CNTNAP5: variants seen among roughly 807,000 people sequenced by gnomAD.
CNTNAP5 encodes the protein contactin-associated protein-like 5.
In CNTNAP5, 72 loss-of-function variants were observed where a neutral mutation model predicts 150.2. That is an observed-to-expected ratio of 0.48 (90% CI 0.40 to 0.58). The LOEUF (loss-of-function observed/expected upper bound fraction) is 0.58. Among genes scored for constraint, CNTNAP5 ranks in the 20% least tolerant of loss-of-function variants. CNTNAP5 has a pLI of 0.00. For synonymous variants in CNTNAP5, 672 were observed against 619.8 expected (o/e 1.08, Z -1.25); for missense variants, 1,636 against 1,626.2 (o/e 1.01, Z -0.10).
intron 13 of CNTNAP5, among the ~76,000 whole-genome samples, chr2:124,706,788 GAAGAA>G (rs1679654513): frequency 2.8e-5 from 1 of 35,530 alleles, no homozygotes; most frequent in Non-Finnish European, 5.5e-5. Flanking sequence ...AGAAGAAGAA[GAAGAA>G]GAAGGAGGAG....
At chr2:124,634,067 G>A (rs7573251) in intron 12 of CNTNAP5, among the ~76,000 whole-genome samples, 63,282 of 152,002 alleles carry the variant, frequency 0.42, 15,470 homozygotes, top group Non-Finnish European at 0.56. Flanking sequence ...TGTCTTTGAG[G>A]CTTTCCCATT....
chr2:124,809,623 G>T (rs572140994), intron 19 of CNTNAP5, among the ~76,000 whole-genome samples: 1 of 151,838 alleles, frequency 6.6e-6, no homozygotes, highest in South Asian at 2.1e-4. Context: ...AATAACTTTT[G>T]GAAATGTGAT....
At chr2:124,392,749 G>GGAA (rs1219695633) in intron 3 of CNTNAP5, among the ~76,000 whole-genome samples, 3 of 147,998 alleles carry the variant, frequency 2.0e-5, no homozygotes, top group African/African-American at 7.5e-5. Context: ...AGAAAGGAAG[G>GGAA]GAAGGAGAAT....
chr2:124,057,231 C>T (rs867893153), intron 1 of CNTNAP5, among the ~76,000 whole-genome samples: 54 of 151,568 alleles, frequency 3.6e-4, no homozygotes, highest in Middle Eastern at 3.4e-3. Context: ...TACCTTTATA[C>T]CTGACTCTTT....
At chr2:124,068,495 A>G (rs1682219122) in intron 1 of CNTNAP5, among the ~76,000 whole-genome samples, 1 of 152,082 alleles carries the variant, frequency 6.6e-6, no homozygotes, top group Non-Finnish European at 1.5e-5. Context: ...GAAATGCTCT[A>G]TGGTCCTAGG....
intron 3 of CNTNAP5, among the ~76,000 whole-genome samples, chr2:124,385,108 C>T (rs1690896097): frequency 6.6e-6 from 1 of 152,046 alleles, no homozygotes; most frequent in Non-Finnish European, 1.5e-5. Context: ...CAGTTTTTGT[C>T]ATAAAAGACA....
At position 124,034,692 on chromosome 2, in the gene CNTNAP5, G is replaced by A. The variant is rs75319969; in HGVS notation, c.82+8960G>A. On this transcript the variant is annotated intron_variant, in intron 1 of 23. Coordinates refer to ENST00000682447, the MANE Select transcript of CNTNAP5 (RefSeq NM_001367498.1). Reference sequence around the variant, plus strand: ...CTCCAAAAAACTGAAGAGGGCAATGGAGAAGATGTCAGCATTATGGCAGAA... The same window carrying A: ...CTCCAAAAAACTGAAGAGGGCAATGAAGAAGATGTCAGCATTATGGCAGAA... Among the ~76,000 whole-genome samples the A allele has an allele frequency of 1.4e-3, 210 of 152,300 alleles. 2 individuals carry two copies. In the East Asian group the frequency reaches 0.026, roughly 19 times the overall value.
chr2:124,856,121 A>G (rs1274248283), intron 19 of CNTNAP5, among the ~76,000 whole-genome samples: 1 of 151,338 alleles, frequency 6.6e-6, no homozygotes, highest in African/African-American at 2.4e-5. Flanking sequence ...TGTATAAAAA[A>G]ATAAAGAAAT....
intron 19 of CNTNAP5, among the ~76,000 whole-genome samples, chr2:124,833,596 G>T (rs1034359102): frequency 1.3e-5 from 2 of 152,304 alleles, no homozygotes; most frequent in East Asian, 1.9e-4. Flanking sequence ...CTTCAGAGAG[G>T]TTATCAGATG....
chr2:124,886,702 T>C (rs2602650), intron 21 of CNTNAP5, among the ~76,000 whole-genome samples: 53,564 of 151,938 alleles, frequency 0.35, 9,952 homozygotes, highest in Non-Finnish European at 0.39. Flanking sequence ...GTAACATGCA[T>C]TTAATAATCA....
chr2:124,727,244 A>G (rs76581690), intron 13 of CNTNAP5, among the ~76,000 whole-genome samples: 5,543 of 152,072 alleles, frequency 0.036, 359 homozygotes, highest in African/African-American at 0.13. Context: ...GTAGCTTTAT[A>G]TTTGAAATAA....
intron 6 of CNTNAP5, among the ~76,000 whole-genome samples, chr2:124,456,024 T>C (rs1693110166): frequency 6.6e-6 from 1 of 152,098 alleles, no homozygotes; most frequent in African/African-American, 2.4e-5. Context: ...ATGCCCGCTC[T>C]CACCACTCCT....
chr2:124,500,137 G>A (rs755547339), intron 7 of CNTNAP5, among the ~76,000 whole-genome samples: 6 of 152,132 alleles, frequency 3.9e-5, no homozygotes, highest in African/African-American at 1.4e-4. Context: ...CCACATTGGG[G>A]AGGGCACTGT....
chr2:124,485,774 A>C lies in CNTNAP5; in HGVS notation c.1062+10892A>C, dbSNP rs146150373. On this transcript the variant is annotated intron_variant, in intron 7 of 23. Transcript: ENST00000682447. ...GGGTCAACCATGCAGATTCCCTGGG[A>C]CTCCCACTGAAGAACAGTAATGGAG... 9.6e-4 allele frequency among the ~76,000 whole-genome samples: 146 copies of C among 151,844 alleles called. 5 individuals carry two copies. In the East Asian group the frequency reaches 0.027, roughly 28 times the overall value.
intron 14 of CNTNAP5, among the ~76,000 whole-genome samples, chr2:124,759,085 A>G (rs1026596718): frequency 6.6e-6 from 1 of 151,970 alleles, no homozygotes; most frequent in East Asian, 1.9e-4. Flanking sequence ...AGAGAGGGAA[A>G]AGAGAATACA....
At chr2:124,718,290 A>T (rs1345767283) in intron 13 of CNTNAP5, among the ~76,000 whole-genome samples, 1 of 152,196 alleles carries the variant, frequency 6.6e-6, no homozygotes, top group Non-Finnish European at 1.5e-5. Context: ...GTAGAGGGCA[A>T]TGAAGAAAGA....
chr2:124,163,210 C>G (rs1262786493), intron 1 of CNTNAP5, among the ~76,000 whole-genome samples: 2 of 152,076 alleles, frequency 1.3e-5, no homozygotes, highest in Non-Finnish European at 2.9e-5. Flanking sequence ...AGTATCAGAT[C>G]AAAGCAAATA....
chr2:124,468,081 G>C (rs1273486483), intron 6 of CNTNAP5, among the ~76,000 whole-genome samples: 1 of 152,140 alleles, frequency 6.6e-6, no homozygotes, highest in East Asian at 1.9e-4. Flanking sequence ...GGAGGCAAAA[G>C]ACTTGCATCA....
chr2:124,831,703 C>T (rs1682719781), intron 19 of CNTNAP5, among the ~76,000 whole-genome samples: 1 of 151,022 alleles, frequency 6.6e-6, no homozygotes, highest in South Asian at 2.1e-4. Flanking sequence ...CAAAATTTTT[C>T]TCTCAATTGA....
Sources: gnomAD v4.1 joint callset for allele counts (sites outside exome capture counted in the v4.1 genomes callset) on GRCh38, gnomAD v4.1.1 for gene constraint, MANE v1.5 for transcripts, NCBI Gene and HGNC (gene_info 2026-07-23, HGNC 2026-07-21) for gene names.